Variants in CADM2 observed in about 807,000 individuals in gnomAD.
CADM2 encodes immunoglobulin superfamily member 4D.
CADM2 carries 12 observed loss-of-function variants against 49.8 expected under a neutral mutation model. The observed-to-expected ratio is 0.24, with a 90% CI of 0.15 to 0.39. The LOEUF is 0.39. Ranked by LOEUF, CADM2 falls within the 10% of genes least tolerant of loss-of-function variation. The pLI, the probability that CADM2 is intolerant of heterozygous loss-of-function variation, is 1.00. For missense variants in CADM2, 378 were observed against 492.3 expected (o/e 0.77, Z 2.20); for synonymous variants, 214 against 175.4 (o/e 1.22, Z -1.74).
intron 5 of CADM2, among the ~76,000 whole-genome samples, chr3:85,904,213 G>A (rs1716495991): frequency 6.6e-6 from 1 of 152,068 alleles, no homozygotes; most frequent in Non-Finnish European, 1.5e-5. Flanking sequence ...TGTCTCTTCT[G>A]GATTGAAATC....
intron 1 of CADM2, among the ~76,000 whole-genome samples, chr3:84,986,837 A>G (rs2032591753): frequency 6.6e-6 from 1 of 151,750 alleles, no homozygotes; most frequent in African/African-American, 2.4e-5. Flanking sequence ...GGATCACCTG[A>G]GGTTGGGAGT....
intron 1 of CADM2, among the ~76,000 whole-genome samples, chr3:85,504,475 T>C (rs1304692169): frequency 1.3e-5 from 2 of 152,198 alleles, no homozygotes; most frequent in Admixed American, 6.5e-5. Flanking sequence ...TTCTCTTATC[T>C]GGCCCCACCA....
intron 1 of CADM2, among the ~76,000 whole-genome samples, chr3:85,604,022 G>T (rs2063486021): frequency 6.6e-6 from 1 of 151,560 alleles, no homozygotes; most frequent in African/African-American, 2.4e-5. Flanking sequence ...AAATAAATTA[G>T]AATCTTATTA....
Position 86,033,764 on chromosome 3 carries a change from T to C in CADM2, c.971-31841T>C, listed in dbSNP as rs1044535051. Among the ~76,000 whole-genome samples the C allele has an allele frequency of 6.1e-5, 9 of 146,374 alleles. No individual in the cohort carries two copies. In the East Asian group the frequency reaches 7.8e-4, roughly 13 times the overall value. On this transcript the variant is annotated intron_variant, in intron 8 of 9. Transcript: ENST00000383699. Reference sequence around the variant, plus strand: ...AAGCCCATAAAGAAATATATATATATACACATTAATTATATATATTATATA... The same window carrying C: ...AAGCCCATAAAGAAATATATATATACACACATTAATTATATATATTATATA...
At chr3:85,712,429 G>C (rs1002701409) in intron 1 of CADM2, among the ~76,000 whole-genome samples, 5 of 152,068 alleles carry the variant, frequency 3.3e-5, no homozygotes, top group African/African-American at 1.2e-4. Context: ...TTTTAATAAT[G>C]GACACTGAAA....
chr3:85,351,022 T>C (rs1383279340), intron 1 of CADM2, among the ~76,000 whole-genome samples: 1 of 152,180 alleles, frequency 6.6e-6, no homozygotes, highest in African/African-American at 2.4e-5. Context: ...TCAGATATAC[T>C]GTACCAAGTT....
intron 1 of CADM2, among the ~76,000 whole-genome samples, chr3:85,289,935 G>C (rs368396069): frequency 6.6e-6 from 1 of 152,278 alleles, no homozygotes; most frequent in Admixed American, 6.5e-5. Flanking sequence ...GTAAATGGAG[G>C]AGCCAAGATG....
At chr3:85,061,816 T>A (rs1489545228) in intron 1 of CADM2, among the ~76,000 whole-genome samples, 1 of 152,156 alleles carries the variant, frequency 6.6e-6, no homozygotes, top group South Asian at 2.1e-4. Flanking sequence ...TATATACACA[T>A]ATACTTTTTA....
chr3:86,048,147 G>A (rs1004223214), intron 8 of CADM2, among the ~76,000 whole-genome samples: 1 of 151,786 alleles, frequency 6.6e-6, no homozygotes, highest in African/African-American at 2.4e-5. Flanking sequence ...TCAACTAAAT[G>A]TTATTTTTTT....
At chr3:85,089,412 C>T (rs914570000) in intron 1 of CADM2, among the ~76,000 whole-genome samples, 1 of 152,048 alleles carries the variant, frequency 6.6e-6, no homozygotes, top group African/African-American at 2.4e-5. Context: ...GATACAATGC[C>T]TCATTCCCCA....
intron 1 of CADM2, among the ~76,000 whole-genome samples, chr3:85,637,881 G>A (rs1043354508): frequency 4.6e-5 from 7 of 152,062 alleles, no homozygotes; most frequent in African/African-American, 1.7e-4. Flanking sequence ...GTGAAAACAT[G>A]GCCAGATCAA....
intron 1 of CADM2, among the ~76,000 whole-genome samples, chr3:85,050,182 T>A (rs1277107947): frequency 6.6e-6 from 1 of 151,974 alleles, no homozygotes; most frequent in Non-Finnish European, 1.5e-5. Flanking sequence ...GCCACTGGTC[T>A]CCAATAACTC....
chr3:85,422,287 G>A (rs547596590), intron 1 of CADM2, among the ~76,000 whole-genome samples: 1 of 151,964 alleles, frequency 6.6e-6, no homozygotes, highest in Non-Finnish European at 1.5e-5. Context: ...TAATGCAGCA[G>A]CCTTTTTTTT....
intron 1 of CADM2, among the ~76,000 whole-genome samples, chr3:85,531,531 TTTTTA>T (rs991449428): frequency 4.6e-5 from 7 of 152,202 alleles, no homozygotes; most frequent in Non-Finnish European, 8.8e-5. Flanking sequence ...CAAATGGATA[TTTTTA>T]TTTTGAGTGG....
chr3:85,169,388 G>A (rs1343706414), intron 1 of CADM2, among the ~76,000 whole-genome samples: 1 of 152,086 alleles, frequency 6.6e-6, no homozygotes, highest in Non-Finnish European at 1.5e-5. Context: ...TTTATTAAGA[G>A]TCCTCTTCTC....
chr3:85,940,017 C>T (rs560725814), intron 7 of CADM2, among the ~76,000 whole-genome samples: 1 of 71,384 alleles, frequency 1.4e-5, no homozygotes, highest in East Asian at 3.8e-4. Flanking sequence ...GAATTTTTAA[C>T]AACAACAAAA....
At chr3:85,642,669 C>G (rs1311579766) in intron 1 of CADM2, among the ~76,000 whole-genome samples, 1 of 152,022 alleles carries the variant, frequency 6.6e-6, no homozygotes, top group Non-Finnish European at 1.5e-5. Flanking sequence ...ATAGCTTTAC[C>G]TGTGATTATA....
At chr3:85,575,766 A>G in intron 1 of CADM2, among the ~76,000 whole-genome samples, 1 of 152,148 alleles carries the variant, frequency 6.6e-6, no homozygotes, top group East Asian at 1.9e-4. Context: ...GGTGGGAAAA[A>G]GGAAGGGGAA....
At position 86,074,012 on chromosome 3, in the gene CADM2, G is replaced by T. The variant is rs1448071884; in HGVS notation, c.*7229G>T. The T allele has an allele frequency of 6.6e-6, 1 of 151,958 alleles. No individual in the cohort carries two copies. Among genetic ancestry groups the T allele is most frequent in the African/African-American group, 2.4e-5 (1 of 41,442 alleles). 9.4% of individuals were successfully genotyped at this position (151,958 alleles called of 1,614,324 possible). On this transcript the variant is annotated 3_prime_UTR_variant, in exon 10 of 10. Transcript: ENST00000383699. Reference sequence around the variant, plus strand: ...TCAAAAAAAATGTTGCTGACTTAGGGAAATTTGCTTGAGAATGCCAAAATT... The same window carrying T: ...TCAAAAAAAATGTTGCTGACTTAGGTAAATTTGCTTGAGAATGCCAAAATT...
Sources: allele counts gnomAD v4.1 joint callset (sites outside exome capture counted in the v4.1 genomes callset), GRCh38; gene constraint gnomAD v4.1.1; transcripts MANE v1.5; gene names NCBI Gene and HGNC (gene_info 2026-07-23, HGNC 2026-07-21).